Variants in SLC39A11 observed in about 807,000 individuals in gnomAD.
SLC39A11 encodes the protein solute carrier family 39 member 11.
SLC39A11 carries 33 observed loss-of-function variants against 36.1 expected under a neutral mutation model. That is an observed-to-expected ratio of 0.91 (90% CI 0.69 to 1.22). The LOEUF (loss-of-function observed/expected upper bound fraction) is 1.22. SLC39A11 is among the 50% of genes most tolerant of loss of function. The pLI, the probability that SLC39A11 is intolerant of heterozygous loss-of-function variation, is 0.00. For synonymous variants in SLC39A11, 166 were observed against 170.3 expected, an observed-to-expected ratio of 0.97 and a Z score of 0.20; for missense variants, 432 against 430.3, an observed-to-expected ratio of 1.00 and a Z score of -0.03.
intron 6 of SLC39A11, among the ~76,000 whole-genome samples, chr17:72,751,352 C>T (rs2075148124): frequency 1.3e-5 from 2 of 152,146 alleles, no homozygotes. Flanking sequence ...TCAAACTCTT[C>T]CCATTTGAAG....
At chr17:72,726,292 C>T (rs1463153852) in intron 7 of SLC39A11, among the ~76,000 whole-genome samples, 1 of 151,906 alleles carries the variant, frequency 6.6e-6, no homozygotes, top group African/African-American at 2.4e-5. Flanking sequence ...GTGAGTTCTC[C>T]GAGACTCCTC....
intron 5 of SLC39A11, among the ~76,000 whole-genome samples, chr17:72,870,856 G>A (rs1178138771): frequency 6.6e-6 from 1 of 152,182 alleles, no homozygotes; most frequent in Admixed American, 6.5e-5. Flanking sequence ...TCAGAGATCT[G>A]CAGGTGGAGA....
At chr17:72,885,659 G>A (rs543319956) in intron 5 of SLC39A11, among the ~76,000 whole-genome samples, 12 of 110,978 alleles carry the variant, frequency 1.1e-4, no homozygotes, top group African/African-American at 5.0e-4. Flanking sequence ...TCTTGTGAAC[G>A]CTGGATCCAG....
rs572836034 is a variant in SLC39A11 at position 72,673,322 on chromosome 17, C to T, written c.672-24054G>A. Reference sequence around the variant, plus strand: ...GTTTCACCATGTTGGCCAGGCTGGTCTCCAACTCCTGACCTAGTGATCTGC... The same window carrying T: ...GTTTCACCATGTTGGCCAGGCTGGTTTCCAACTCCTGACCTAGTGATCTGC... On this transcript the variant is annotated intron_variant, in intron 7 of 9. Transcript: ENST00000255559. 2.0e-5 allele frequency among the ~76,000 whole-genome samples: 3 copies of T among 152,156 alleles called. No individual in the cohort carries two copies. The East Asian group carries it at 5.8e-4, about 30-fold the overall frequency.
rs187514909 is a variant in SLC39A11 at position 72,668,671 on chromosome 17, C to T, written c.672-19403G>A. 1.4e-3 allele frequency among the ~76,000 whole-genome samples: 218 copies of T among 152,344 alleles called. 1 individual carries two copies. Among genetic ancestry groups the T allele is most frequent in the African/African-American group, 4.8e-3 (199 of 41,576 alleles). On this transcript the variant is annotated intron_variant, in intron 7 of 9. Coordinates refer to ENST00000255559, the MANE Select transcript of SLC39A11 (RefSeq NM_139177.4). ...AAGGAGAAAAGTTGGGACCAGTGTC[C>T]ACCACATGGCCAAGAAAGTGTAATC...
intron 6 of SLC39A11, among the ~76,000 whole-genome samples, chr17:72,740,128 T>C (rs2074620087): frequency 7.2e-6 from 1 of 138,690 alleles, no homozygotes; most frequent in African/African-American, 2.7e-5. Context: ...AGTGGCGCCA[T>C]TTCGGCTCAC....
At chr17:73,051,796 T>G (rs552840402) in intron 3 of SLC39A11, among the ~76,000 whole-genome samples, 7 of 146,222 alleles carry the variant, frequency 4.8e-5, no homozygotes, top group African/African-American at 1.5e-4. Context: ...AAGTGGAGGT[T>G]GCAGTCAGCT....
rs146229780 is a variant in SLC39A11, at chr17:73,086,549, A to G, written c.109-1703T>C. Among the ~76,000 whole-genome samples the G allele has an allele frequency of 7.7e-3, 1,170 of 152,284 alleles. 16 individuals carry two copies. The highest frequency in any genetic ancestry group is 0.025 in the African/African-American group (1,057 of 41,562). On this transcript the variant is annotated intron_variant, in intron 2 of 9. Coordinates refer to ENST00000255559, the MANE Select transcript of SLC39A11 (RefSeq NM_139177.4). The stretch of plus-strand genomic sequence containing the variant: ...CAAAATTAAAACTCAGCTGGGCATG[A>G]TGGTGCACACCTGTAATCCCAGCAG...
At chr17:72,971,359 G>C (rs2087439023) in intron 4 of SLC39A11, among the ~76,000 whole-genome samples, 1 of 144,608 alleles carries the variant, frequency 6.9e-6, no homozygotes, top group African/African-American at 2.7e-5. Flanking sequence ...CTCTCTCTCT[G>C]AAAAACCAGT....
At chr17:72,730,064 C>A (rs757554192) in intron 7 of SLC39A11, among the ~76,000 whole-genome samples, 2 of 152,164 alleles carry the variant, frequency 1.3e-5, no homozygotes, top group South Asian at 2.1e-4. Flanking sequence ...GGAACCCTCA[C>A]GTGGCTTGAA....
At chr17:73,014,591 AG>A (rs1399399311) in intron 4 of SLC39A11, among the ~76,000 whole-genome samples, 1 of 123,294 alleles carries the variant, frequency 8.1e-6, no homozygotes, top group Non-Finnish European at 1.7e-5. Context: ...TGGAAGTTCA[AG>A]GCTGCAATGA....
chr17:73,000,167 G>A (rs16977478), intron 4 of SLC39A11, among the ~76,000 whole-genome samples: 27 of 152,074 alleles, frequency 1.8e-4, no homozygotes, highest in African/African-American at 4.8e-4. Context: ...CAGATGCACC[G>A]GGATAGTCAG....
chr17:72,975,822 A>G (rs2087800155), intron 4 of SLC39A11, among the ~76,000 whole-genome samples: 1 of 152,154 alleles, frequency 6.6e-6, no homozygotes, highest in Admixed American at 6.5e-5. Context: ...TACAGCAGGT[A>G]TGGTGTATAG....
Position 73,026,180 on chromosome 17 carries a change from A to AG in SLC39A11, c.306+5375_306+5376insC, listed in dbSNP as rs1478240371. On this transcript the variant is annotated intron_variant, in intron 4 of 9. Coordinates refer to ENST00000255559, the MANE Select transcript of SLC39A11 (RefSeq NM_139177.4). Reference sequence around the variant, plus strand: ...AGAGGAGAGAAGAGAGGAGAGGAGAAAGAGAAGAGAGAAGAGAAGGGAAGA... The same window carrying AG: ...AGAGGAGAGAAGAGAGGAGAGGAGAAGAGAGAAGAGAGAAGAGAAGGGAAGA... 1.4e-3 allele frequency among the ~76,000 whole-genome samples: 56 copies of AG among 39,478 alleles called. 1 individual carries two copies. The highest frequency in any genetic ancestry group is 0.014 in the Middle Eastern group (1 of 72). The allele number at this position is 39,478 out of a possible 152,430, so 25.9% of individuals were successfully genotyped here. A position where few individuals can be genotyped will look rare whatever the true frequency, so the allele number is the denominator to read the frequency against.
intron 7 of SLC39A11, among the ~76,000 whole-genome samples, chr17:72,729,405 T>TTATATATATA (rs1162603035): frequency 2.4e-4 from 7 of 29,232 alleles, no homozygotes; most frequent in Non-Finnish European, 3.6e-4. Flanking sequence ...ACCTGGCTAT[T>TTATATATATA]TATATATATA....
intron 4 of SLC39A11, among the ~76,000 whole-genome samples, chr17:73,006,006 C>T (rs1359304626): frequency 6.6e-6 from 1 of 151,944 alleles, no homozygotes; most frequent in African/African-American, 2.4e-5. Flanking sequence ...TTAGCACCTA[C>T]CTCACAAGAC....
At chr17:72,902,140 A>G (rs1211591044) in intron 5 of SLC39A11, among the ~76,000 whole-genome samples, 2 of 152,088 alleles carry the variant, frequency 1.3e-5, no homozygotes, top group Non-Finnish European at 2.9e-5. Context: ...GCGTGGTGGC[A>G]CACGCCTGTA....
At chr17:73,036,270 C>T (rs2058911041) in intron 3 of SLC39A11, among the ~76,000 whole-genome samples, 1 of 152,118 alleles carries the variant, frequency 6.6e-6, no homozygotes, top group South Asian at 2.1e-4. Flanking sequence ...AGATTGATAG[C>T]AAAATTGAGT....
chr17:72,833,698 A>G (rs1385235622), intron 6 of SLC39A11, among the ~76,000 whole-genome samples: 2 of 152,202 alleles, frequency 1.3e-5, no homozygotes, highest in Non-Finnish European at 2.9e-5. Context: ...GAGGTTGTCT[A>G]CTGGCAGATA....
Sources: allele counts gnomAD v4.1 joint callset (sites outside exome capture counted in the v4.1 genomes callset), GRCh38; gene constraint gnomAD v4.1.1; transcripts MANE v1.5; gene names NCBI Gene and HGNC (gene_info 2026-07-23, HGNC 2026-07-21).